The following SEC23IP variants were observed in gnomAD, a reference collection of about 807,000 sequenced individuals.
SEC23IP encodes SEC23-interacting protein.
SEC23IP carries 70 observed loss-of-function variants against 113.4 expected under a neutral mutation model. The observed-to-expected ratio is 0.62, with a 90% confidence interval of 0.51 to 0.75. The LOEUF (loss-of-function observed/expected upper bound fraction) is 0.75. Ranked by LOEUF, SEC23IP falls within the 30% of genes least tolerant of loss-of-function variation. The pLI, the probability that SEC23IP is intolerant of heterozygous loss-of-function variation, is 0.00. For missense variants in SEC23IP, 1,160 were observed against 1,204.9 expected (o/e 0.96, Z 0.55); for synonymous variants, 398 against 421.0 (o/e 0.95, Z 0.67).
intron 1 of SEC23IP, among the ~76,000 whole-genome samples, chr10:119,896,759 A>G (rs1589818969): frequency 1.3e-5 from 2 of 151,736 alleles, no homozygotes; most frequent in South Asian, 4.2e-4. Context: ...TTTCTAAAGG[A>G]TGAAAGATAC....
Position 119,892,737 on chromosome 10 carries a change from T to G in SEC23IP, c.-46T>G. On this transcript the variant is annotated 5_prime_UTR_variant, in exon 1 of 19. Transcript: ENST00000369075. ...CGTGATCGGTTTCCGGTCAGTGGTG[T>G]GGTACCGGGTACCCGGAGACGTGTA... 6.4e-7 allele frequency: 1 copy of G among 1,555,582 alleles called. No individual in the cohort carries two copies. Among genetic ancestry groups the G allele is most frequent in the Non-Finnish European group, 8.7e-7 (1 of 1,148,910 alleles).
In SEC23IP at chr10:119,919,564, T is replaced by G; in HGVS notation, c.1993T>G (p.Phe665Val). ...ALSLSEYFST[F>V]EKEKIDMESL... is the part of the protein sequence containing the mutation. ...TAGCCTCTCTGAATATTTTAGCACT[T>G]TTGAAAAGGAAAAGATTGATATGGA... The change falls in exon 11 of 19, where the codon TTT (phenylalanine) becomes GTT (valine). Residue 665 changes from phenylalanine to valine, a missense_variant. By Grantham distance (50) the Phe-to-Val change is conservative. Transcript: ENST00000369075. 3 of 1,613,296 alleles carry G rather than the reference T, an allele frequency of 1.9e-6. No homozygotes were observed. Among genetic ancestry groups the G allele is most frequent in the Non-Finnish European group, 2.5e-6 (3 of 1,179,772 alleles).
rs377556721 is a variant in SEC23IP at position 119,892,965 on chromosome 10, C to T, written c.163+20C>T. The T allele has an allele frequency of 2.5e-6, 4 of 1,601,592 alleles. No homozygotes were observed. The highest frequency in any genetic ancestry group is 3.4e-6 in the Non-Finnish European group (4 of 1,173,812). On this transcript the variant is annotated intron_variant, in intron 1 of 18. Coordinates refer to ENST00000369075, the MANE Select transcript of SEC23IP (RefSeq NM_007190.4). ...CGGGAGGTAATAAGGGGAGGGCGGCCCCGTGTGTGGTGGGAGGCGGGCGGG... is the reference window on the plus strand; with the variant it reads ...CGGGAGGTAATAAGGGGAGGGCGGCTCCGTGTGTGGTGGGAGGCGGGCGGG...
At position 119,920,904 on chromosome 10, in the gene SEC23IP, G is replaced by A; in HGVS notation, c.2041G>A (p.Asp681Asn). 1.9e-6 allele frequency: 3 copies of A among 1,611,884 alleles called. No homozygotes were observed. The African/African-American group carries it at 4.0e-5, about 21-fold the overall frequency. ...DMESLLMCTV[D>N]DLKEMGIPLG... ...CCTTTTAAAGCTTATGTGTACAGTT[G>A]ATGACCTGAAGGAAATGGGGATACC... is the stretch of plus-strand genomic sequence containing the variant. The change falls in exon 12 of 19, where the codon GAT (aspartate) becomes AAT (asparagine). Residue 681 changes from aspartate (D) to asparagine (N), a missense_variant. By Grantham distance (23) the Asp-to-Asn change is conservative. Coordinates refer to ENST00000369075, the MANE Select transcript of SEC23IP (RefSeq NM_007190.4).
At chr10:119,928,481 G>T (rs1855491603) in intron 13 of SEC23IP, among the ~76,000 whole-genome samples, 1 of 152,212 alleles carries the variant, frequency 6.6e-6, no homozygotes, top group Admixed American at 6.5e-5. Context: ...AGTAGAAAGA[G>T]AATTGGATTT....
At chr10:119,898,206 A>C (rs1854345082) in intron 1 of SEC23IP, 1 of 811,110 alleles carries the variant, frequency 1.2e-6, no homozygotes, top group Non-Finnish European at 1.7e-6. Flanking sequence ...ATGAATTATA[A>C]TTGTTTCCTC....
chr10:119,931,753 C>T (rs866090465), intron 15 of SEC23IP, among the ~76,000 whole-genome samples: 51 of 151,828 alleles, frequency 3.4e-4, no homozygotes, highest in African/African-American at 1.1e-3. Flanking sequence ...GGGGTTTCAC[C>T]GTGTTAGCCA....
At chr10:119,930,302 T>G (rs750089796) in intron 14 of SEC23IP, 27 bp from the exon 15 acceptor site, 3 of 1,379,528 alleles carry the variant, frequency 2.2e-6, no homozygotes, top group Non-Finnish European at 3.0e-6. Context: ...ATTTCTTTTA[T>G]TTATTCATAA....
chr10:119,939,448 A>G (rs1315658729), intron 18 of SEC23IP, among the ~76,000 whole-genome samples: 1 of 152,132 alleles, frequency 6.6e-6, no homozygotes, highest in Admixed American at 6.5e-5. Context: ...TTGGGAGGCC[A>G]AGGCGGATCA....
chr10:119,903,523 T>C (rs1273804099), intron 3 of SEC23IP, among the ~76,000 whole-genome samples: 1 of 152,212 alleles, frequency 6.6e-6, no homozygotes, highest in African/African-American at 2.4e-5. Flanking sequence ...TATTATTGTA[T>C]GTAGATATTA....
At chr10:119,897,287 G>C (rs1457700411) in intron 1 of SEC23IP, among the ~76,000 whole-genome samples, 1 of 152,224 alleles carries the variant, frequency 6.6e-6, no homozygotes, top group African/African-American at 2.4e-5. Context: ...TAATAGTAAC[G>C]TGGACTTTTG....
chr10:119,910,764 C>T lies in SEC23IP; in HGVS notation c.1192-1280C>T, dbSNP rs138575857. Among the ~76,000 whole-genome samples, 9 of 152,206 alleles carry T rather than the reference C, an allele frequency of 5.9e-5. No individual in the cohort carries two copies. The East Asian group carries it at 1.4e-3, about 23-fold the overall frequency. On this transcript the variant is annotated intron_variant, in intron 5 of 18. Coordinates refer to ENST00000369075, the MANE Select transcript of SEC23IP (RefSeq NM_007190.4). Reference sequence around the variant, plus strand: ...AGTGGCCAATCACAACTCGCTGCATCCTCGAACTCTGGGCTCAAGGGATCC... The same window carrying T: ...AGTGGCCAATCACAACTCGCTGCATTCTCGAACTCTGGGCTCAAGGGATCC...
intron 17 of SEC23IP, among the ~76,000 whole-genome samples, 166 bp downstream of exon 17, chr10:119,933,333 A>G (rs1223661617): frequency 2.6e-5 from 4 of 152,158 alleles, no homozygotes; most frequent in Non-Finnish European, 5.9e-5. Flanking sequence ...TACCCACAAG[A>G]TGGCAGTATG....
At chr10:119,938,360 C>A (rs1317890587) in intron 18 of SEC23IP, among the ~76,000 whole-genome samples, 2 of 152,098 alleles carry the variant, frequency 1.3e-5, no homozygotes, top group Admixed American at 6.6e-5. Context: ...AGTTTTTGTT[C>A]CCTCTTTCCA....
chr10:119,896,676 A>G (rs1312771626), intron 1 of SEC23IP, among the ~76,000 whole-genome samples: 1 of 152,206 alleles, frequency 6.6e-6, no homozygotes, highest in Non-Finnish European at 1.5e-5. Context: ...GGGTAGCAGT[A>G]TATGGAGAGC....
intron 13 of SEC23IP, among the ~76,000 whole-genome samples, chr10:119,929,273 AC>A (rs1855513748): frequency 6.6e-6 from 1 of 152,070 alleles, no homozygotes; most frequent in Non-Finnish European, 1.5e-5. Flanking sequence ...TTGCTCAGTC[AC>A]CCAGGCTGGA....
rs534727247 is a variant in SEC23IP, at chr10:119,922,393, A to G, written c.2121+1409A>G. Among the ~76,000 whole-genome samples the G allele has an allele frequency of 5.9e-5, 9 of 152,298 alleles. No homozygotes were observed. In the East Asian group the frequency reaches 1.7e-3, roughly 29 times the overall value. On this transcript the variant is annotated intron_variant, in intron 12 of 18. Coordinates refer to ENST00000369075, the MANE Select transcript of SEC23IP (RefSeq NM_007190.4). Reference sequence around the variant, plus strand: ...TCTTGTAAGGGAGTGGTTTTCAAACATGTTCTTATGGCCATGAAAGTCATG... The same window carrying G: ...TCTTGTAAGGGAGTGGTTTTCAAACGTGTTCTTATGGCCATGAAAGTCATG...
chr10:119,910,976 C>T (rs561098109), intron 5 of SEC23IP, among the ~76,000 whole-genome samples: 123 of 151,280 alleles, frequency 8.1e-4, no homozygotes, highest in African/African-American at 2.2e-3. Flanking sequence ...TGAGCCAACA[C>T]GCTTGGCTAA....
chr10:119,915,122 A>C (rs1452353422), intron 7 of SEC23IP, among the ~76,000 whole-genome samples: 1 of 152,220 alleles, frequency 6.6e-6, no homozygotes, highest in Non-Finnish European at 1.5e-5. Flanking sequence ...ATGGATTTAT[A>C]GTCAGTGAGT....
Sources: allele counts gnomAD v4.1 joint callset (sites outside exome capture counted in the v4.1 genomes callset), GRCh38; gene constraint gnomAD v4.1.1; transcripts MANE v1.5; gene names NCBI Gene and HGNC (gene_info 2026-07-23, HGNC 2026-07-21).